Variants in ESS2 observed in about 807,000 individuals in gnomAD.
ESS2 encodes the protein ess-2 spliceosome associated protein, also known as splicing factor ESS-2 homolog.
Under a neutral mutation model 52.0 loss-of-function variants are expected in ESS2, and 31 were observed. The ratio of observed to expected loss-of-function variants is 0.60; its 90% CI spans 0.45 to 0.81. The LOEUF (loss-of-function observed/expected upper bound fraction) is 0.81, where lower values mean the gene tolerates loss of function less well. Among genes scored for constraint, ESS2 ranks in the 30% least tolerant of loss-of-function variants. The probability of loss-of-function intolerance (pLI) is 0.00; values close to 1 mark genes in which losing one functional copy is unlikely to be tolerated. For missense variants in ESS2, 602 were observed against 637.2 expected (o/e 0.94, Z 0.59); for synonymous variants, 285 against 259.2 (o/e 1.10, Z -0.95).
rs773132543 is a variant in ESS2, at chr22:19,139,994, G to A, written c.431C>T (p.Pro144Leu). ...GEAGEEEEKE[P>L]LPSLDVFLSR... is the part of the protein sequence containing the mutation. ...CAGGAAGACATCTAGGCTGGGCAGC[G>A]GCTCCTTCTCCTCCTCCTCTCCAGC... The change falls in exon 4 of 10, where the codon CCG (proline) becomes CTG (leucine). Residue 144 changes from proline to leucine, a missense_variant. By Grantham distance (98) the Pro-to-Leu change is moderately conservative (BLOSUM62 -3). Transcript: ENST00000252137. 20 of 1,613,768 alleles carry A rather than the reference G, an allele frequency of 1.2e-5. No individual in the cohort carries two copies. The Admixed American group carries it at 1.5e-4, about 12-fold the overall frequency.
intron 6 of ESS2, chr22:19,138,521 G>A: frequency 1.5e-6 from 1 of 689,190 alleles, no homozygotes; most frequent in South Asian, 1.6e-5. Context: ...CTGTCAAAGT[G>A]GGTACCCAAG....
chr22:19,144,114 G>C, intron 1 of ESS2: 1 of 1,024,814 alleles, frequency 9.8e-7, no homozygotes, highest in Non-Finnish European at 1.2e-6. Flanking sequence ...GGCGACGCAG[G>C]TCCACTCACT....
At chr22:19,137,456 A>C (rs1601351165) in intron 7 of ESS2, 24 bp from the exon 8 acceptor site, 1 of 1,575,722 alleles carries the variant, frequency 6.3e-7, no homozygotes, top group Non-Finnish European at 8.7e-7. Context: ...GCCCAAAACC[A>C]CCTCAGGCCA....
chr22:19,132,747 A>G lies in ESS2; in HGVS notation c.*1449T>C. ...AGTGTTTTTCTCTGGGACTCAGCCA[A>G]CCGCCCCACCTGACACACAGTGGTC... is the stretch of plus-strand genomic sequence containing the variant. On this transcript the variant is annotated 3_prime_UTR_variant, in exon 10 of 10. Coordinates refer to ENST00000252137, the MANE Select transcript of ESS2 (RefSeq NM_022719.3). The surrounding 1 kb of genome is among the most constrained non-coding windows in gnomAD (Gnocchi z 4.2). The G allele has an allele frequency of 2.3e-6, 1 of 440,926 alleles. No individual in the cohort carries two copies. The highest frequency in any genetic ancestry group is 2.5e-5 in the South Asian group (1 of 39,244). The allele number at this position is 440,926 out of a possible 1,614,324, so 27.3% of individuals were successfully genotyped here.
At chr22:19,140,045 G>A (rs1656522553) in intron 3 of ESS2, 21 bp from the exon 4 acceptor site, 2 of 1,611,912 alleles carry the variant, frequency 1.2e-6, no homozygotes, top group Admixed American at 3.3e-5. Flanking sequence ...GTTGCGGGAG[G>A]AGGAACACAG....
At position 19,132,151 on chromosome 22, in the gene ESS2, G is replaced by T; in HGVS notation, c.*2045C>A. On this transcript the variant is annotated 3_prime_UTR_variant, in exon 10 of 10. Coordinates refer to ENST00000252137, the MANE Select transcript of ESS2 (RefSeq NM_022719.3). This position sits in a 1 kb window ranked among gnomAD's most constrained non-coding sequence, Gnocchi z 4.2. The stretch of plus-strand genomic sequence containing the variant: ...TGCGAGTGCAAGGACCTCATCTACC[G>T]CATGCTGCAGCCCGACGTCAGCCAG... 1 of 1,613,144 alleles carries T rather than the reference G, an allele frequency of 6.2e-7. No homozygotes were observed. The highest frequency in any genetic ancestry group is 1.3e-5 in the African/African-American group (1 of 74,986).
At chr22:19,141,419 G>A (rs897224978) in intron 3 of ESS2, among the ~76,000 whole-genome samples, 33 of 152,166 alleles carry the variant, frequency 2.2e-4, no homozygotes, top group African/African-American at 7.7e-4. Context: ...GTCCCATGGC[G>A]TGCAGAACAC....
At position 19,139,987 on chromosome 22, in the gene ESS2, G is replaced by A. The variant is rs748201512; in HGVS notation, c.438C>T (p.Pro146=). 3 of 1,613,836 alleles carry A rather than the reference G, an allele frequency of 1.9e-6. No homozygotes were observed. Among genetic ancestry groups the A allele is most frequent in the Admixed American group, 1.7e-5 (1 of 59,998 alleles). ...AGCGGCTCAGGAAGACATCTAGGCT[G>A]GGCAGCGGCTCCTTCTCCTCCTCCT... ...AGEEEEKEPL[P]SLDVFLSRYT... is the part of the protein sequence containing the mutation. The change falls in exon 4 of 10, where the codon CCC becomes CCT. Residue 146 remains proline (P), a synonymous_variant. Transcript: ENST00000252137.
In ESS2 at chr22:19,142,904, G is replaced by A; in HGVS notation, c.136-10C>T. On this transcript the variant is annotated splice_polypyrimidine_tract_variant and intron_variant, in intron 1 of 9. Transcript: ENST00000252137. ...TGACCGTCTGGAGGCCCTGCAAGGA[G>A]AGATCAGAATGAAAGTCAGAGGCCA... 6.2e-7 allele frequency: 1 copy of A among 1,610,332 alleles called. No homozygotes were observed. The highest frequency in any genetic ancestry group is 8.5e-7 in the Non-Finnish European group (1 of 1,178,314).
chr22:19,132,004 T>C lies in ESS2; in HGVS notation c.*2192A>G, dbSNP rs2083512942. 6.2e-7 allele frequency: 1 copy of C among 1,614,160 alleles called. No individual in the cohort carries two copies. The highest frequency in any genetic ancestry group is 8.5e-7 in the Non-Finnish European group (1 of 1,180,016). On this transcript the variant is annotated 3_prime_UTR_variant, in exon 10 of 10. Transcript: ENST00000252137. This position sits in a 1 kb window ranked among gnomAD's most constrained non-coding sequence, Gnocchi z 4.2. ...CCCAAGGTGTATGACATCTGGAGCC[T>C]GGGCGTGATCCTGTACATCATGGTC...
intron 3 of ESS2, 152 bp from the exon 4 acceptor site, chr22:19,140,176 G>A: frequency 3.0e-6 from 3 of 986,160 alleles, no homozygotes; most frequent in East Asian, 2.6e-5. Flanking sequence ...ACACTGCCAA[G>A]GACTCCCCAC....
At position 19,131,935 on chromosome 22, in the gene ESS2, C is replaced by G. The variant is rs370346388; in HGVS notation, c.*2261G>C. The G allele has an allele frequency of 4.3e-6, 7 of 1,614,014 alleles. No individual in the cohort carries two copies. The highest frequency in any genetic ancestry group is 1.3e-5 in the African/African-American group (1 of 74,940). ...CTCAGCAAGACCTTCTGCGGGTCGG[C>G]AGCATATGCAGCCCCCGAGGTGCTG... On this transcript the variant is annotated 3_prime_UTR_variant, in exon 10 of 10. Coordinates refer to ENST00000252137, the MANE Select transcript of ESS2 (RefSeq NM_022719.3). The surrounding 1 kb of genome is among the most constrained non-coding windows in gnomAD (Gnocchi z 5.7).
Position 19,144,489 on chromosome 22 carries a change from C to G in ESS2, c.135+17G>C. ...GGATGGGCCCAGAAGTCGCCGGCGT[C>G]CGCACCGAGGTCGTACCTCGATATA... is the stretch of plus-strand genomic sequence containing the variant. On this transcript the variant is annotated intron_variant, in intron 1 of 9. Transcript: ENST00000252137. 6.2e-7 allele frequency: 1 copy of G among 1,611,542 alleles called. No homozygotes were observed. The highest frequency in any genetic ancestry group is 8.5e-7 in the Non-Finnish European group (1 of 1,179,234).
At chr22:19,137,742 A>AC in intron 7 of ESS2, 1 of 985,196 alleles carries the variant, frequency 1.0e-6, no homozygotes, top group Non-Finnish European at 1.2e-6. Flanking sequence ...ACCTCCTAGA[A>AC]CCCCAGGCAA....
In ESS2 at chr22:19,134,101, AG is replaced by A; in HGVS notation, c.*94del. ...TGGTATGGTCAACAGCTTCTGGCCC[AG>A]GCCTGGGCCCCGAGAAGGCTGGAGT... is the stretch of plus-strand genomic sequence containing the variant. On this transcript the variant is annotated 3_prime_UTR_variant, in exon 10 of 10. Coordinates refer to ENST00000252137, the MANE Select transcript of ESS2 (RefSeq NM_022719.3). The A allele has an allele frequency of 7.4e-7, 1 of 1,357,562 alleles. No individual in the cohort carries two copies. Among genetic ancestry groups the A allele is most frequent in the South Asian group, 1.9e-5 (1 of 52,536 alleles). 84.1% of individuals were successfully genotyped at this position (1,357,562 alleles called of 1,614,324 possible). A position where few individuals can be genotyped will look rare whatever the true frequency, so the allele number is the denominator to read the frequency against.
At position 19,142,845 on chromosome 22, in the gene ESS2, A is replaced by G; in HGVS notation, c.185T>C (p.Leu62Pro). The G allele has an allele frequency of 6.2e-7, 1 of 1,614,040 alleles. No individual in the cohort carries two copies. The highest frequency in any genetic ancestry group is 8.5e-7 in the Non-Finnish European group (1 of 1,180,020). Reference sequence around the variant, plus strand: ...TTCCAGGTACTCCTTCTGTGCCTGGAGCTTCTCCACATCAGGAAAGAAATC... The same window carrying G: ...TTCCAGGTACTCCTTCTGTGCCTGGGGCTTCTCCACATCAGGAAAGAAATC... Reference protein sequence around the residue: ...QRDFFPDVEKLQAQKEYLEAE... With the variant: ...QRDFFPDVEKPQAQKEYLEAE... The change falls in exon 2 of 10, where the codon CTC (leucine) becomes CCC (proline). Residue 62 changes from leucine (L) to proline (P), a missense_variant. Transcript: ENST00000252137.
chr22:19,144,068 C>G (rs1377198735), intron 1 of ESS2: 1 of 999,914 alleles, frequency 1.0e-6, no homozygotes, highest in African/African-American at 1.7e-5. Flanking sequence ...TCCGCCAATC[C>G]CCGTTTCAGC....
chr22:19,134,159 T>C lies in ESS2; in HGVS notation c.*37A>G. On this transcript the variant is annotated 3_prime_UTR_variant, in exon 10 of 10. Coordinates refer to ENST00000252137, the MANE Select transcript of ESS2 (RefSeq NM_022719.3). ...CTGGGTGTACAGCTGCCCTGCAGGCTCTGTGAAGCGTCTATGAGCCCAGCC... is the reference window on the plus strand; with the variant it reads ...CTGGGTGTACAGCTGCCCTGCAGGCCCTGTGAAGCGTCTATGAGCCCAGCC... 6.8e-7 allele frequency: 1 copy of C among 1,475,110 alleles called. No homozygotes were observed. The highest frequency in any genetic ancestry group is 1.4e-5 in the South Asian group (1 of 69,758). The allele number at this position is 1,475,110 out of a possible 1,614,324, so 91.4% of individuals were successfully genotyped here. A position where few individuals can be genotyped will look rare whatever the true frequency, so the allele number is the denominator to read the frequency against.
chr22:19,144,406 A>G, intron 1 of ESS2, 100 bp downstream of exon 1: 3 of 1,574,768 alleles, frequency 1.9e-6, no homozygotes, highest in South Asian at 2.3e-5. Context: ...CTCCACTTCC[A>G]CGAGGAGACG....
Sources: allele counts gnomAD v4.1 joint callset (sites outside exome capture counted in the v4.1 genomes callset), GRCh38; gene constraint gnomAD v4.1.1; non-coding constraint Gnocchi (gnomAD v3.1); transcripts MANE v1.5; gene names NCBI Gene and HGNC (gene_info 2026-07-23, HGNC 2026-07-21).